The following PDHB variants were observed in gnomAD, a reference collection of about 807,000 sequenced individuals.
PDHB encodes pyruvate dehydrogenase E1 component subunit beta, mitochondrial.
Under a neutral mutation model 42.8 loss-of-function variants are expected in PDHB, and 17 were observed. The ratio of observed to expected loss-of-function variants is 0.40; its 90% confidence interval spans 0.27 to 0.60. PDHB has a LOEUF of 0.60. Ranked by LOEUF, PDHB falls within the 20% of genes least tolerant of loss-of-function variation. The pLI is 0.46. For missense variants in PDHB, 322 were observed against 451.3 expected (o/e 0.71, Z 2.60); for synonymous variants, 154 against 148.7 (o/e 1.04, Z -0.26).
intron 8 of PDHB, among the ~76,000 whole-genome samples, chr3:58,429,181 C>A (rs11130640): frequency 1.3e-5 from 2 of 152,214 alleles, no homozygotes; most frequent in South Asian, 2.1e-4. Context: ...CATCATGTAC[C>A]AAGCACTACA....
chr3:58,427,979 G>C lies in PDHB; in HGVS notation c.*55C>G. 7.7e-7 allele frequency: 1 copy of C among 1,291,538 alleles called. No homozygotes were observed. The highest frequency in any genetic ancestry group is 1.5e-5 in the African/African-American group (1 of 68,946). The allele number at this position is 1,291,538 out of a possible 1,614,324, so 80.0% of individuals were successfully genotyped here. A position where few individuals can be genotyped will look rare whatever the true frequency, so the allele number is the denominator to read the frequency against. The stretch of plus-strand genomic sequence containing the variant: ...CAGGTCTTGCAGTACAAATCCAGGT[G>C]CAGTGCCAGCAAGTATTTCAAATAA... On this transcript the variant is annotated 3_prime_UTR_variant, in exon 10 of 10. Coordinates refer to ENST00000302746, the MANE Select transcript of PDHB (RefSeq NM_000925.4).
chr3:58,428,235 C>T (rs1560186451), intron 9 of PDHB, 56 bp from the exon 10 acceptor site: 1 of 1,537,436 alleles, frequency 6.5e-7, no homozygotes. Context: ...GCACTACCAC[C>T]TTGGCACAGA....
chr3:58,429,965 C>T, intron 7 of PDHB, 163 bp downstream of exon 7: 1 of 730,642 alleles, frequency 1.4e-6, no homozygotes, highest in Non-Finnish European at 2.5e-6. Flanking sequence ...ACAAACCTAC[C>T]AGACTGAGAT....
At chr3:58,430,621 A>C in intron 6 of PDHB, 36 bp downstream of exon 6, 1 of 1,582,162 alleles carries the variant, frequency 6.3e-7, no homozygotes. Context: ...TTAGTTTTTC[A>C]ATCTTCAAAA....
rs771466468 is a variant in PDHB at position 58,431,603 on chromosome 3, C to T, written c.293G>A (p.Gly98Asp). The change falls in exon 5 of 10, where the codon GGT (glycine) becomes GAT (aspartate). Residue 98 changes from glycine (G) to aspartate (D), a missense_variant. Physicochemically the swap from Gly to Asp is moderately conservative, Grantham distance 94. Transcript: ENST00000302746. The surrounding 1 kb of genome is among the most constrained non-coding windows in gnomAD (Gnocchi z 4.4). ...SEMGFAGIAV[G>D]AAMAGLRPIC... ...AAGAGTATTACATACCATAGCTGCA[C>T]CTACAGCAATTCCAGCAAAGCCCAT... 2 of 1,604,922 alleles carry T rather than the reference C, an allele frequency of 1.2e-6. No homozygotes were observed. Among genetic ancestry groups the T allele is most frequent in the Non-Finnish European group, 1.7e-6 (2 of 1,173,126 alleles).
Position 58,431,710 on chromosome 3 carries a change from G to A in PDHB, c.267+21C>T, listed in dbSNP as rs951417807. On this transcript the variant is annotated intron_variant, in intron 4 of 9. Coordinates refer to ENST00000302746, the MANE Select transcript of PDHB (RefSeq NM_000925.4). The surrounding 1 kb of genome is among the most constrained non-coding windows in gnomAD (Gnocchi z 4.4). ...CTAACAGACATGCCCTCCAGGGTCT[G>A]CTTCCCACTGGAAGGCTTACCTCTG... The A allele has an allele frequency of 6.2e-7, 1 of 1,604,988 alleles. No homozygotes were observed. The highest frequency in any genetic ancestry group is 8.5e-7 in the Non-Finnish European group (1 of 1,171,614).
In PDHB at chr3:58,431,699, C is replaced by T. The variant is rs758607444; in HGVS notation, c.267+32G>A. Reference sequence around the variant, plus strand: ...GATAATGGACACTAACAGACATGCCCTCCAGGGTCTGCTTCCCACTGGAAG... The same window carrying T: ...GATAATGGACACTAACAGACATGCCTTCCAGGGTCTGCTTCCCACTGGAAG... On this transcript the variant is annotated intron_variant, in intron 4 of 9. Coordinates refer to ENST00000302746, the MANE Select transcript of PDHB (RefSeq NM_000925.4). The surrounding 1 kb of genome is among the most constrained non-coding windows in gnomAD (Gnocchi z 4.4). 5.0e-6 allele frequency: 8 copies of T among 1,599,764 alleles called. No homozygotes were observed. The South Asian group carries it at 8.8e-5, about 18-fold the overall frequency.
chr3:58,433,349 G>A, intron 2 of PDHB: 5 of 588,192 alleles, frequency 8.5e-6, no homozygotes, highest in Non-Finnish European at 1.5e-5. Flanking sequence ...TTTTAAGTTA[G>A]GTCTATTTTG....
chr3:58,428,515 G>A lies in PDHB; in HGVS notation c.892C>T (p.Gln298Ter). ...CAGATTTCAGCTCCTACTCCAAACTGTGGCCAGCCTCCTTCCACAGTTACA... is the reference window on the plus strand; with the variant it reads ...CAGATTTCAGCTCCTACTCCAAACTATGGCCAGCCTCCTTCCACAGTTACA... ...HLVTVEGGWP[Q>*]FGVGAEICAR... The change falls in exon 9 of 10, where the codon CAG becomes TAG. Residue 298 changes from glutamine to a stop codon, truncating the protein, a stop_gained. Coordinates refer to ENST00000302746, the MANE Select transcript of PDHB (RefSeq NM_000925.4). LOFTEE classifies it high-confidence loss of function. 6.2e-7 allele frequency: 1 copy of A among 1,614,126 alleles called. No homozygotes were observed.
rs2062943266 is a variant in PDHB at position 58,433,614 on chromosome 3, G to A, written c.96+17C>T. On this transcript the variant is annotated intron_variant, in intron 2 of 9. Coordinates refer to ENST00000302746, the MANE Select transcript of PDHB (RefSeq NM_000925.4). ...GACCCTCCCCGCCCTCGTCCGACGA[G>A]CACCCGCGCCTGTTACCTGCAGCGC... 6.2e-7 allele frequency: 1 copy of A among 1,606,168 alleles called. No homozygotes were observed. The highest frequency in any genetic ancestry group is 8.5e-7 in the Non-Finnish European group (1 of 1,177,530).
chr3:58,431,843 T>G lies in PDHB; in HGVS notation c.204+34A>C. 6.2e-7 allele frequency: 1 copy of G among 1,606,628 alleles called. No homozygotes were observed. Among genetic ancestry groups the G allele is most frequent in the Non-Finnish European group, 8.5e-7 (1 of 1,173,204 alleles). On this transcript the variant is annotated intron_variant, in intron 3 of 9. Transcript: ENST00000302746. The surrounding 1 kb of genome is among the most constrained non-coding windows in gnomAD (Gnocchi z 4.4). ...AGTGTATCTGGGGGTAACAGTGACC[T>G]CAATTTTGTATAACTTTCATATATT...
intron 2 of PDHB, 26 bp downstream of exon 2, chr3:58,433,605 G>A (rs532600354): frequency 1.2e-6 from 2 of 1,601,718 alleles, no homozygotes; most frequent in Non-Finnish European, 1.7e-6. Flanking sequence ...CCCCGCCCTC[G>A]TCCGACGAGC....
At position 58,428,511 on chromosome 3, in the gene PDHB, A is replaced by G. The variant is rs752521945; in HGVS notation, c.896T>C (p.Phe299Ser). The G allele has an allele frequency of 6.2e-7, 1 of 1,614,146 alleles. No individual in the cohort carries two copies. The highest frequency in any genetic ancestry group is 1.3e-5 in the African/African-American group (1 of 75,026). Residue 299 changes from phenylalanine to serine, a missense_variant, in exon 9 of 10, where the codon TTT (phenylalanine) becomes TCT (serine). Physicochemically the swap from Phe to Ser is radical, Grantham distance 155. This residue lies in a region of PDHB where 208 missense variants were observed against 285.0 expected (regional missense o/e 0.73). Coordinates refer to ENST00000302746, the MANE Select transcript of PDHB (RefSeq NM_000925.4). Reference sequence around the variant, plus strand: ...GGCACAGATTTCAGCTCCTACTCCAAACTGTGGCCAGCCTCCTTCCACAGT... The same window carrying G: ...GGCACAGATTTCAGCTCCTACTCCAGACTGTGGCCAGCCTCCTTCCACAGT... ...LVTVEGGWPQ[F>S]GVGAEICARI... is the part of the protein sequence containing the mutation.
At chr3:58,428,352 A>G (rs756823248) in intron 9 of PDHB, 121 bp downstream of exon 9, 8 of 1,290,092 alleles carry the variant, frequency 6.2e-6, no homozygotes, top group Non-Finnish European at 9.0e-6. Context: ...CCAAACTTAC[A>G]AGTTTAAAGT....
rs1308004105 is a variant in PDHB at position 58,427,813 on chromosome 3, A to C, written c.*221T>G. 1.6e-6 allele frequency: 1 copy of C among 619,352 alleles called. No homozygotes were observed. Among genetic ancestry groups the C allele is most frequent in the African/African-American group, 1.8e-5 (1 of 55,566 alleles). 38.4% of individuals were successfully genotyped at this position (619,352 alleles called of 1,614,324 possible). A position where few individuals can be genotyped will look rare whatever the true frequency, so the allele number is the denominator to read the frequency against. On this transcript the variant is annotated 3_prime_UTR_variant, in exon 10 of 10. Transcript: ENST00000302746. ...TGTTATATAATTTGTTATTCAAAGA[A>C]CATGGCAACCGTAACAGACAAAAGG...
chr3:58,428,070 G>A lies in PDHB; in HGVS notation c.1044C>T (p.Asp348=). 4.4e-6 allele frequency: 7 copies of A among 1,608,974 alleles called. No homozygotes were observed. Among genetic ancestry groups the A allele is most frequent in the East Asian group, 2.2e-5 (1 of 44,866 alleles). The change falls in exon 10 of 10, where the codon GAC becomes GAT. Residue 348 remains aspartate (D), a synonymous_variant. Coordinates refer to ENST00000302746, the MANE Select transcript of PDHB (RefSeq NM_000925.4). ...LEDNSIPQVK[D]IIFAIKKTLN... is the part of the protein sequence containing the mutation. ...ATGTTTTCTTTATTGCAAATATGAT[G>A]TCTTTGACCTGAGGTATAGAGTTGT...
At position 58,430,806 on chromosome 3, in the gene PDHB, G is replaced by C. The variant is rs774472788; in HGVS notation, c.440C>G (p.Pro147Arg). 6.2e-7 allele frequency: 1 copy of C among 1,614,014 alleles called. No individual in the cohort carries two copies. The highest frequency in any genetic ancestry group is 8.5e-7 in the Non-Finnish European group (1 of 1,179,998). ...LQPVPIVFRG[P>R]NGASAGVAAQ... The stretch of plus-strand genomic sequence containing the variant: ...AGCTACACCTGCTGAGGCACCATTG[G>C]GCCCTCTGAAGACTATAGGCACAGG... Residue 147 changes from proline (P) to arginine (R), a missense_variant, in exon 6 of 10, where the codon CCC becomes CGC. Physicochemically the swap from Pro to Arg is moderately radical, Grantham distance 103 (BLOSUM62 -2). Around this residue, in one of 3 missense-constraint regions of PDHB, gnomAD observed 208 missense variants for 285.0 expected, o/e 0.73. Transcript: ENST00000302746.
intron 6 of PDHB, 43 bp from the exon 7 acceptor site, chr3:58,430,281 CAGAATGACTAAAACTGCAT>C: frequency 7.9e-7 from 1 of 1,273,050 alleles, no homozygotes; most frequent in Non-Finnish European, 1.1e-6. Context: ...TAATCACATC[CAGAATGACTAAAACTGCAT>C]AGAAAGCAAT....
Position 58,428,624 on chromosome 3 carries a change from TAATATA to T in PDHB, c.793-16_793-11del. ...TACGCATATTTATCACCTAAACAGG[TAATATA>T]ATCAAGTTTACAGAGCTATTGCAGC... On this transcript the variant is annotated splice_polypyrimidine_tract_variant and intron_variant, in intron 8 of 9. Coordinates refer to ENST00000302746, the MANE Select transcript of PDHB (RefSeq NM_000925.4). The T allele has an allele frequency of 6.2e-7, 1 of 1,609,398 alleles. No individual in the cohort carries two copies. The highest frequency in any genetic ancestry group is 8.5e-7 in the Non-Finnish European group (1 of 1,175,916).
Sources: gnomAD v4.1 joint callset for allele counts (sites outside exome capture counted in the v4.1 genomes callset) on GRCh38, gnomAD v4.1.1 for gene constraint, gnomAD v4.1.1 regional missense constraint, Gnocchi (gnomAD v3.1) non-coding constraint, MANE v1.5 for transcripts, NCBI Gene and HGNC (gene_info 2026-07-23, HGNC 2026-07-21) for gene names.